OR8B2: variants seen among roughly 807,000 people sequenced by gnomAD.
OR8B2 encodes the protein olfactory receptor 8B2.
For synonymous variants in OR8B2, 98 were observed against 138.2 expected (o/e 0.71, Z 2.04); for missense variants, 304 against 379.6 (o/e 0.80, Z 1.65).
In OR8B2 at chr11:124,383,075, T is replaced by A. The variant is rs778114101; in HGVS notation, c.269A>T (p.Asn90Ile). 161 of 1,613,766 alleles carry A rather than the reference T, an allele frequency of 1.0e-4. No individual in the cohort carries two copies. Among genetic ancestry groups the A allele is most frequent in the Non-Finnish European group, 1.3e-4 (152 of 1,179,860 alleles). Reference sequence around the variant, plus strand: ...CATGCACCCAACATTGGAGATAATATTCTTTTTTGACACAAAGTTCATTAG... The same window carrying A: ...CATGCACCCAACATTGGAGATAATAATCTTTTTTGACACAAAGTTCATTAG... ...KMLMNFVSKK[N>I]IISNVGCMTR... The change falls in exon 2 of 2, where the codon AAT becomes ATT. Residue 90 changes from asparagine (N) to isoleucine (I), a missense_variant. By Grantham distance (149) the Asn-to-Ile change is moderately radical. Transcript: ENST00000641451.
upstream of OR8B2, among the ~76,000 whole-genome samples, chr11:124,385,560 T>G (rs564631062): frequency 2.7e-5 from 4 of 146,600 alleles, no homozygotes; most frequent in East Asian, 6.1e-4. Flanking sequence ...TTGAATCCTA[T>G]GTACCTATTT....
chr11:124,382,640 G>C lies in OR8B2; in HGVS notation c.704C>G (p.Ser235Ter). 6.2e-7 allele frequency: 1 copy of C among 1,611,676 alleles called. No individual in the cohort carries two copies. The highest frequency in any genetic ancestry group is 2.2e-5 in the East Asian group (1 of 44,866). The stretch of plus-strand genomic sequence containing the variant: ...AGAGCTACAAGTACTGAAGGCTTTT[G>C]ATCTTCCTTGAGTGGATTTGATATG... ...ILHIKSTQGR[S>*]KAFSTCSSHV... The change falls in exon 2 of 2, where the codon TCA (serine) becomes TGA (stop). Residue 235 changes from serine (S) to a stop codon, truncating the protein, a stop_gained. Transcript: ENST00000641451. LOFTEE classifies it low-confidence loss of function (END_TRUNC).
At chr11:124,392,342 A>T in the OR8B2 span, among the ~76,000 whole-genome samples, 1 of 126,012 alleles carries the variant, frequency 7.9e-6, no homozygotes, top group Non-Finnish European at 1.6e-5. Context: ...TGCAGATGAC[A>T]TGATTGTATA....
the OR8B2 span, chr11:124,396,209 A>G: frequency 1.1e-5 from 6 of 549,198 alleles, no homozygotes; most frequent in Non-Finnish European, 1.9e-5. Flanking sequence ...CAAAGATGCC[A>G]TGACCTATTT....
chr11:124,385,308 T>C (rs1446268317), upstream of OR8B2, among the ~76,000 whole-genome samples: 3 of 152,186 alleles, frequency 2.0e-5, no homozygotes, highest in Non-Finnish European at 4.4e-5. Flanking sequence ...TTTACCTTTT[T>C]ATTTTAAAAT....
At chr11:124,385,647 T>C (rs1311240347), upstream of OR8B2, among the ~76,000 whole-genome samples, 18 of 110,118 alleles carry the variant, frequency 1.6e-4, no homozygotes, top group Non-Finnish European at 2.7e-4. Flanking sequence ...TTTTTTTTTT[T>C]AAAGACAGGG....
chr11:124,389,377 G>A (rs149086155), upstream of OR8B2, among the ~76,000 whole-genome samples: 32 of 152,214 alleles, frequency 2.1e-4, no homozygotes, highest in East Asian at 3.7e-3. Context: ...AAGTACATTG[G>A]GGTTCTTTCC....
At chr11:124,390,371 A>C in the OR8B2 span, among the ~76,000 whole-genome samples, 1 of 152,180 alleles carries the variant, frequency 6.6e-6, no homozygotes, top group Non-Finnish European at 1.5e-5. Flanking sequence ...GGGGTGTCCA[A>C]TCTTTTGGCT....
At chr11:124,393,160 C>T in the OR8B2 span, among the ~76,000 whole-genome samples, 4 of 147,308 alleles carry the variant, frequency 2.7e-5, no homozygotes, top group Admixed American at 2.7e-4. Flanking sequence ...CCCCAAAAAC[C>T]CTAGAAGAAA....
the OR8B2 span, chr11:124,395,427 G>A: frequency 6.6e-6 from 1 of 152,082 alleles, no homozygotes; most frequent in East Asian, 1.9e-4. Context: ...TGTGTTTCAC[G>A]TCTTGTTGGT....
rs1860620494 is a variant in OR8B2 at position 124,382,818 on chromosome 11, G to A, written c.526C>T (p.His176Tyr). 2 of 1,604,768 alleles carry A rather than the reference G, an allele frequency of 1.2e-6. No homozygotes were observed. Among genetic ancestry groups the A allele is most frequent in the Middle Eastern group, 1.7e-4 (1 of 6,042 alleles). Residue 176 changes from histidine (H) to tyrosine (Y), a missense_variant, in exon 2 of 2, where the codon CAT becomes TAT. His to Tyr is a moderately conservative substitution (Grantham distance 83, BLOSUM62 2). Transcript: ENST00000641451. ...LTFCSANIIN[H>Y]YLCDILPLLQ... is the part of the protein sequence containing the mutation. ...AGGGGGAGTATGTCACACAAGTAAT[G>A]GTTGATGATATTAGCACTGCAGAAG...
At chr11:124,386,555 A>C (rs1044335718), upstream of OR8B2, among the ~76,000 whole-genome samples, 62 of 147,348 alleles carry the variant, frequency 4.2e-4, 1 homozygote, top group African/African-American at 1.5e-3. Context: ...ATGATTTCCA[A>C]TTTCATCCAT....
chr11:124,382,519 A>G lies in OR8B2; in HGVS notation c.825T>C (p.Val275=), dbSNP rs147760521. The G allele has an allele frequency of 1.9e-6, 3 of 1,613,936 alleles. No homozygotes were observed. Among genetic ancestry groups the G allele is most frequent in the East Asian group, 2.2e-5 (1 of 44,868 alleles). ...GSMEQGKVSS[V]FYTNVVPMLN... ...GCATGGGCACCACATTAGTGTAGAA[A>G]ACAGAAGAAACTTTTCCCTGCTCCA... The change falls in exon 2 of 2, where the codon GTT becomes GTC. Residue 275 remains valine, a synonymous_variant. Coordinates refer to ENST00000641451, the MANE Select transcript of OR8B2 (RefSeq NM_001005468.2).
At chr11:124,393,440 A>G in the OR8B2 span, among the ~76,000 whole-genome samples, 1 of 144,542 alleles carries the variant, frequency 6.9e-6, no homozygotes, top group Admixed American at 6.8e-5. Context: ...ACCCCATCAA[A>G]AAGTGGGCAA....
chr11:124,396,502 G>A, the OR8B2 span: 1 of 1,614,114 alleles, frequency 6.2e-7, no homozygotes, highest in Non-Finnish European at 8.5e-7. Context: ...AGAGGATTGA[G>A]CATGGGCACC....
upstream of OR8B2, among the ~76,000 whole-genome samples, chr11:124,386,781 G>A (rs1419232683): frequency 6.6e-6 from 1 of 152,154 alleles, no homozygotes; most frequent in Non-Finnish European, 1.5e-5. Flanking sequence ...CCAGTAATGG[G>A]ATGGCTAGGT....
the OR8B2 span, chr11:124,396,206 G>A: frequency 1.9e-3 from 1,027 of 542,566 alleles, 5 homozygotes; most frequent in African/African-American, 0.017. Context: ...TTACAAAGAT[G>A]CCATGACCTA....
the OR8B2 span, among the ~76,000 whole-genome samples, chr11:124,391,426 A>G: frequency 4.6e-5 from 7 of 151,702 alleles, no homozygotes; most frequent in South Asian, 2.1e-4. Flanking sequence ...AAAATGATAA[A>G]GGGGATATCA....
chr11:124,384,621 A>C (rs1382555846), upstream of OR8B2, among the ~76,000 whole-genome samples: 1 of 152,144 alleles, frequency 6.6e-6, no homozygotes, highest in Non-Finnish European at 1.5e-5. Context: ...CAGACTTCAC[A>C]CCAGACCCAC....
Sources: gnomAD v4.1 joint callset for allele counts (sites outside exome capture counted in the v4.1 genomes callset) on GRCh38, gnomAD v4.1.1 for gene constraint, MANE v1.5 for transcripts, NCBI Gene and HGNC (gene_info 2026-07-23, HGNC 2026-07-21) for gene names.